The following PLA2R1 variants were observed in gnomAD, a reference collection of about 807,000 sequenced individuals.
PLA2R1 encodes the protein phospholipase A2 receptor 1.
In PLA2R1, 158 loss-of-function variants were observed where a neutral mutation model predicts 195.9. That is an observed-to-expected ratio of 0.81 (90% CI 0.71 to 0.92). The LOEUF is 0.92. Among genes scored for constraint, PLA2R1 ranks in the 40% least tolerant of loss-of-function variants. The pLI, the probability that PLA2R1 is intolerant of heterozygous loss-of-function variation, is 0.00. For synonymous variants in PLA2R1, 586 were observed against 598.2 expected, an observed-to-expected ratio of 0.98 and a Z score of 0.30; for missense variants, 1,626 against 1,764.6, an observed-to-expected ratio of 0.92 and a Z score of 1.41.
At chr2:160,036,554 C>A (rs1382679486) in intron 3 of PLA2R1, among the ~76,000 whole-genome samples, 1 of 152,172 alleles carries the variant, frequency 6.6e-6, no homozygotes, top group Non-Finnish European at 1.5e-5. Flanking sequence ...TCAAGCCCAT[C>A]GTGCTCTGTG....
intron 10 of PLA2R1, among the ~76,000 whole-genome samples, chr2:160,012,554 T>C (rs1692432452): frequency 6.6e-6 from 1 of 152,164 alleles, no homozygotes; most frequent in Admixed American, 6.6e-5. Context: ...CCACATTTTA[T>C]AGCTTTTCTG....
At chr2:160,049,812 C>T (rs1455917281) in intron 1 of PLA2R1, among the ~76,000 whole-genome samples, 3 of 152,018 alleles carry the variant, frequency 2.0e-5, no homozygotes, top group Admixed American at 6.6e-5. Flanking sequence ...GGGGACAGAG[C>T]GAGATTGTGT....
chr2:159,958,574 T>G (rs1688248021), intron 20 of PLA2R1, among the ~76,000 whole-genome samples: 1 of 152,126 alleles, frequency 6.6e-6, no homozygotes, highest in African/African-American at 2.4e-5. Flanking sequence ...CTTACTCCTC[T>G]TTGAACATCA....
At chr2:160,021,546 T>A (rs893412815) in intron 7 of PLA2R1, among the ~76,000 whole-genome samples, 1 of 152,214 alleles carries the variant, frequency 6.6e-6, no homozygotes, top group Non-Finnish European at 1.5e-5. Context: ...AAATACTGCG[T>A]GTTCTTACTT....
intron 27 of PLA2R1, chr2:159,946,082 G>T: frequency 1.1e-6 from 1 of 919,760 alleles, no homozygotes; most frequent in Non-Finnish European, 1.3e-6. Flanking sequence ...GGGGGTAGGG[G>T]CGGTAGGAGA....
At chr2:160,049,179 T>A (rs76263142) in intron 1 of PLA2R1, among the ~76,000 whole-genome samples, 37 of 151,176 alleles carry the variant, frequency 2.4e-4, no homozygotes, top group East Asian at 3.9e-4. Context: ...CTTTTTTTTT[T>A]AAATAAAATC....
intron 17 of PLA2R1, among the ~76,000 whole-genome samples, chr2:159,974,125 T>C (rs144001175): frequency 1.3e-5 from 2 of 152,326 alleles, no homozygotes; most frequent in East Asian, 3.9e-4. Flanking sequence ...CCCTTCATTG[T>C]TCATGTCTGA....
At chr2:159,975,995 T>C (rs1399968038) in intron 17 of PLA2R1, 73 bp downstream of exon 17, 1 of 952,960 alleles carries the variant, frequency 1.0e-6, no homozygotes, top group Non-Finnish European at 1.7e-6. Context: ...GAAAAAACTA[T>C]CCCTCCCTCC....
At chr2:160,007,281 T>C (rs1191347390) in intron 10 of PLA2R1, among the ~76,000 whole-genome samples, 3 of 152,244 alleles carry the variant, frequency 2.0e-5, no homozygotes, top group South Asian at 2.1e-4. Context: ...AGAGTAGTAA[T>C]ACCGGGTCAG....
intron 22 of PLA2R1, 60 bp downstream of exon 22, chr2:159,955,638 C>T: frequency 1.1e-6 from 1 of 949,054 alleles, no homozygotes; most frequent in East Asian, 3.0e-5. Flanking sequence ...CTTTAGTAAA[C>T]AAATCTTGAA....
rs547231608 is a variant in PLA2R1 at position 160,020,708 on chromosome 2, C to G, written c.1295-445G>C. Among the ~76,000 whole-genome samples, 5 of 152,304 alleles carry G rather than the reference C, an allele frequency of 3.3e-5. No individual in the cohort carries two copies. The East Asian group carries it at 9.6e-4, about 29-fold the overall frequency. ...CATGGGACTCTGCAGAGAATCCCCA[C>G]CAGCAAGGAGATCCTCTCCAGATGT... On this transcript the variant is annotated intron_variant, in intron 7 of 29. Transcript: ENST00000283243.
chr2:160,032,938 G>A, intron 4 of PLA2R1, 21 bp downstream of exon 4: 1 of 1,512,690 alleles, frequency 6.6e-7, no homozygotes, highest in Non-Finnish European at 9.2e-7. Flanking sequence ...CAATATCAAT[G>A]TGCGTCATCC....
At position 159,999,633 on chromosome 2, in the gene PLA2R1, G is replaced by C. The variant is rs1387783286; in HGVS notation, c.1834+6019C>G. ...CCCGCCTCGGCCTCCCAAAGTGCTG[G>C]GATTACAGGCGTGAGCCACCACGCC... On this transcript the variant is annotated intron_variant, in intron 11 of 29. Transcript: ENST00000283243. Among the ~76,000 whole-genome samples the C allele has an allele frequency of 3.0e-3, 11 of 3,686 alleles. 5 individuals are homozygous for C. The African/African-American group carries it at 0.037, about 12-fold the overall frequency. 2.4% of individuals were successfully genotyped at this position (3,686 alleles called of 152,430 possible).
chr2:159,927,994 G>C (rs1686524581), downstream of PLA2R1, among the ~76,000 whole-genome samples: 1 of 152,226 alleles, frequency 6.6e-6, no homozygotes, highest in Non-Finnish European at 1.5e-5. Context: ...TGTAATAAGA[G>C]AGATGAGAGC....
At chr2:160,041,597 T>C (rs1694523661) in intron 3 of PLA2R1, among the ~76,000 whole-genome samples, 1 of 151,572 alleles carries the variant, frequency 6.6e-6, no homozygotes, top group African/African-American at 2.4e-5. Flanking sequence ...TGCCTGGGCT[T>C]GACAATGGGC....
chr2:160,048,127 C>A (rs1267702119), intron 1 of PLA2R1, among the ~76,000 whole-genome samples: 1 of 152,202 alleles, frequency 6.6e-6, no homozygotes. Context: ...GCCACCATGC[C>A]TGGCCAATAA....
chr2:159,927,190 T>C (rs6752663), downstream of PLA2R1, among the ~76,000 whole-genome samples: 8,493 of 152,258 alleles, frequency 0.056, 762 homozygotes, highest in African/African-American at 0.19. Context: ...GCATTCATAT[T>C]TGATATACAT....
rs1245823396 is a variant in PLA2R1, at chr2:159,940,385, CCT to C, written c.*1391_*1392del. On this transcript the variant is annotated 3_prime_UTR_variant, in exon 30 of 30. Coordinates refer to ENST00000283243, the MANE Select transcript of PLA2R1 (RefSeq NM_007366.5). ...TTACCCCAAGTTGCTCACCTTAGTA[CCT>C]CTGTTTCTAGAACAGCACTTTTTTG... 2.0e-5 allele frequency: 3 copies of C among 152,304 alleles called. No individual in the cohort carries two copies. Among genetic ancestry groups the C allele is most frequent in the African/African-American group, 7.2e-5 (3 of 41,570 alleles). 9.4% of individuals were successfully genotyped at this position (152,304 alleles called of 1,614,324 possible).
At chr2:160,011,899 T>C (rs1160911971) in intron 10 of PLA2R1, among the ~76,000 whole-genome samples, 4 of 152,176 alleles carry the variant, frequency 2.6e-5, no homozygotes, top group Non-Finnish European at 4.4e-5. Flanking sequence ...AAGTAAAATG[T>C]TTCACCAGGT....
Sources: allele counts gnomAD v4.1 joint callset (sites outside exome capture counted in the v4.1 genomes callset), GRCh38; gene constraint gnomAD v4.1.1; transcripts MANE v1.5; gene names NCBI Gene and HGNC (gene_info 2026-07-23, HGNC 2026-07-21).